RRP1B: variants seen among roughly 807,000 people sequenced by gnomAD.
The protein encoded by RRP1B is ribosomal RNA processing 1B, also known as ribosomal RNA processing protein 1 homolog B.
In RRP1B, 56 loss-of-function variants were observed where a neutral mutation model predicts 80.2. The ratio of observed to expected loss-of-function variants is 0.70; its 90% CI spans 0.56 to 0.87. The LOEUF (loss-of-function observed/expected upper bound fraction) is 0.87, where lower values mean the gene tolerates loss of function less well. Among genes scored for constraint, RRP1B ranks in the 40% least tolerant of loss-of-function variants. RRP1B has a pLI of 0.00. For missense variants in RRP1B, 807 were observed against 939.8 expected (o/e 0.86, Z 1.85); for synonymous variants, 351 against 357.6 (o/e 0.98, Z 0.21).
At chr21:43,688,799 T>C (rs554787422) in intron 13 of RRP1B, among the ~76,000 whole-genome samples, 3 of 152,338 alleles carry the variant, frequency 2.0e-5, no homozygotes, top group African/African-American at 7.2e-5. Context: ...GGAACCAAGC[T>C]GTTGATCTGG....
intron 6 of RRP1B, 24 bp from the exon 7 acceptor site, chr21:43,676,248 T>C (rs971051722): frequency 6.4e-7 from 1 of 1,560,630 alleles, no homozygotes; most frequent in African/African-American, 1.4e-5. Context: ...TCTTTCTCAA[T>C]TTTTCCCTTT....
In RRP1B at chr21:43,659,835, C is replaced by A; in HGVS notation, c.130+41C>A. ...CGGTCAGCCGCGCCACATGGCGGGC[C>A]GGGGGCCGGGGCTGGGGCTAGGGCC... is the stretch of plus-strand genomic sequence containing the variant. On this transcript the variant is annotated intron_variant, in intron 1 of 15. Coordinates refer to ENST00000340648, the MANE Select transcript of RRP1B (RefSeq NM_015056.3). This position sits in a 1 kb window ranked among gnomAD's most constrained non-coding sequence, Gnocchi z 4.2. The A allele has an allele frequency of 1.4e-6, 2 of 1,477,352 alleles. No homozygotes were observed. Among genetic ancestry groups the A allele is most frequent in the South Asian group, 1.3e-5 (1 of 76,654 alleles). The allele number at this position is 1,477,352 out of a possible 1,614,324, so 91.5% of individuals were successfully genotyped here.
chr21:43,687,563 C>A lies in RRP1B; in HGVS notation c.1189C>A (p.Gln397Lys), dbSNP rs770370957. ...VEEEDSESSL[Q>K]KRRRKKKKKH... ...GGAAGAGGACAGTGAAAGCAGTCTT[C>A]AAAAGAGAAGAAGGAAGAAGAAGAA... The change falls in exon 13 of 16, where the codon CAA (glutamine) becomes AAA (lysine). Residue 397 changes from glutamine (Q) to lysine (K), a missense_variant. Coordinates refer to ENST00000340648, the MANE Select transcript of RRP1B (RefSeq NM_015056.3). 6.7e-7 allele frequency: 1 copy of A among 1,503,474 alleles called. No homozygotes were observed. Among genetic ancestry groups the A allele is most frequent in the Non-Finnish European group, 8.8e-7 (1 of 1,134,472 alleles). The allele number at this position is 1,503,474 out of a possible 1,614,324, so 93.1% of individuals were successfully genotyped here. A position where few individuals can be genotyped will look rare whatever the true frequency, so the allele number is the denominator to read the frequency against.
At chr21:43,678,021 T>C (rs1286760765) in intron 8 of RRP1B, among the ~76,000 whole-genome samples, 5 of 152,232 alleles carry the variant, frequency 3.3e-5, no homozygotes, top group African/African-American at 1.2e-4. Flanking sequence ...GTAGATACCC[T>C]GCAGTGGAAC....
intron 11 of RRP1B, 100 bp downstream of exon 11, chr21:43,685,889 T>C: frequency 7.0e-7 from 1 of 1,427,858 alleles, no homozygotes; most frequent in Non-Finnish European, 9.5e-7. Context: ...TTGAAAGAAC[T>C]TTACTGAAAA....
At chr21:43,674,912 A>G in intron 5 of RRP1B, 122 bp from the exon 6 acceptor site, 1 of 1,339,018 alleles carries the variant, frequency 7.5e-7, no homozygotes, top group Non-Finnish European at 1.0e-6. Flanking sequence ...TTGTAAAATG[A>G]TTTCAGCCTT....
At chr21:43,671,644 C>G (rs2082999887) in intron 2 of RRP1B, among the ~76,000 whole-genome samples, 1 of 145,580 alleles carries the variant, frequency 6.9e-6, no homozygotes, top group South Asian at 2.2e-4. Context: ...CTCGGGCTCC[C>G]ATTACAGGCA....
At position 43,675,077 on chromosome 21, in the gene RRP1B, T is replaced by G. The variant is rs1443249076; in HGVS notation, c.463T>G (p.Cys155Gly). 6.2e-7 allele frequency: 1 copy of G among 1,614,144 alleles called. No individual in the cohort carries two copies. Among genetic ancestry groups the G allele is most frequent in the South Asian group, 1.1e-5 (1 of 91,078 alleles). The part of the protein sequence containing the change: ...FLDVLMKEVL[C>G]PESQSPNGVR... ...GGATGTCCTGATGAAGGAGGTCCTG[T>G]GTCCTGAGAGTCAGTCTCCTAATGG... The change falls in exon 6 of 16, where the codon TGT becomes GGT. Residue 155 changes from cysteine (C) to glycine (G), a missense_variant. Physicochemically the swap from Cys to Gly is radical, Grantham distance 159 (BLOSUM62 -3). Transcript: ENST00000340648.
At chr21:43,685,702 A>G (rs2083060151) in intron 10 of RRP1B, 68 bp from the exon 11 acceptor site, 1 of 1,188,432 alleles carries the variant, frequency 8.4e-7, no homozygotes, top group Non-Finnish European at 1.2e-6. Context: ...TCTACAGAAG[A>G]CAGAAGGGAT....
At chr21:43,692,099 G>A (rs1041660401) in intron 15 of RRP1B, among the ~76,000 whole-genome samples, 1 of 152,166 alleles carries the variant, frequency 6.6e-6, no homozygotes, top group Non-Finnish European at 1.5e-5. Context: ...CCAAAAAGCC[G>A]TTTTCCCAAG....
chr21:43,670,047 C>A, intron 2 of RRP1B, 81 bp downstream of exon 2: 2 of 973,940 alleles, frequency 2.1e-6, no homozygotes, highest in Non-Finnish European at 1.6e-6. Context: ...CTGTGCCAGT[C>A]CCCCGATACA....
At chr21:43,687,171 G>GGA (rs2083066548) in intron 12 of RRP1B, among the ~76,000 whole-genome samples, 1 of 152,218 alleles carries the variant, frequency 6.6e-6, no homozygotes, top group African/African-American at 2.4e-5. Flanking sequence ...ACCTCTGCAG[G>GGA]GAAGCAGGAG....
intron 11 of RRP1B, 161 bp from the exon 12 acceptor site, chr21:43,686,643 A>G (rs1478700246): frequency 2.6e-6 from 2 of 757,162 alleles, no homozygotes; most frequent in African/African-American, 3.5e-5. Flanking sequence ...AAGCTTTTTT[A>G]AGTCTGTAAT....
At position 43,659,624 on chromosome 21, in the gene RRP1B, G is replaced by T; in HGVS notation, c.-41G>T. 2 of 1,431,612 alleles carry T rather than the reference G, an allele frequency of 1.4e-6. No individual in the cohort carries two copies. The highest frequency in any genetic ancestry group is 2.9e-5 in the South Asian group (2 of 68,974). The allele number at this position is 1,431,612 out of a possible 1,614,324, so 88.7% of individuals were successfully genotyped here. On this transcript the variant is annotated 5_prime_UTR_variant, in exon 1 of 16. Coordinates refer to ENST00000340648, the MANE Select transcript of RRP1B (RefSeq NM_015056.3). The surrounding 1 kb of genome is among the most constrained non-coding windows in gnomAD (Gnocchi z 4.2). The stretch of plus-strand genomic sequence containing the variant: ...CCGCAGCGCTCGGCTGGCTGCAGCG[G>T]CACCGCGGGTTGCGCGGCCGGGGAT...
At position 43,676,747 on chromosome 21, in the gene RRP1B, A is replaced by G. The variant is rs1331645406; in HGVS notation, c.629A>G (p.Gln210Arg). 1.2e-6 allele frequency: 2 copies of G among 1,614,008 alleles called. No homozygotes were observed. The highest frequency in any genetic ancestry group is 2.7e-5 in the African/African-American group (2 of 74,952). ...TCTACCCTCAGCCACACCCTGGTACAGACCATAGCTCGGGGTGTCTTCGAA... is the reference window on the plus strand; with the variant it reads ...TCTACCCTCAGCCACACCCTGGTACGGACCATAGCTCGGGGTGTCTTCGAA... ...AAKTKDHTLVQTIARGVFEAI... is the reference protein window; with the variant it reads ...AAKTKDHTLVRTIARGVFEAI... Residue 210 changes from glutamine (Q) to arginine (R), a missense_variant, in exon 8 of 16, where the codon CAG becomes CGG. Gln to Arg is a conservative substitution (Grantham distance 43). Coordinates refer to ENST00000340648, the MANE Select transcript of RRP1B (RefSeq NM_015056.3).
Position 43,693,418 on chromosome 21 carries a change from G to A in RRP1B, c.*35G>A. On this transcript the variant is annotated 3_prime_UTR_variant, in exon 16 of 16. Transcript: ENST00000340648. This position sits in a 1 kb window ranked among gnomAD's most constrained non-coding sequence, Gnocchi z 4.1. ...GAGTCCCTTGTAAAAGACTGCTTTTGTACAGAATGCGCTATAAATTATACC... is the reference window on the plus strand; with the variant it reads ...GAGTCCCTTGTAAAAGACTGCTTTTATACAGAATGCGCTATAAATTATACC... The A allele has an allele frequency of 6.7e-7, 1 of 1,483,926 alleles. No individual in the cohort carries two copies. Among genetic ancestry groups the A allele is most frequent in the Non-Finnish European group, 9.0e-7 (1 of 1,111,144 alleles). The allele number at this position is 1,483,926 out of a possible 1,614,324, so 91.9% of individuals were successfully genotyped here. A position where few individuals can be genotyped will look rare whatever the true frequency, so the allele number is the denominator to read the frequency against.
chr21:43,686,126 A>G (rs1429785747), intron 11 of RRP1B: 5 of 201,410 alleles, frequency 2.5e-5, no homozygotes, highest in Admixed American at 5.5e-5. Context: ...AACTTTTAAG[A>G]AAGACAGACC....
intron 13 of RRP1B, among the ~76,000 whole-genome samples, chr21:43,689,066 C>G (rs562497067): frequency 6.6e-6 from 1 of 152,256 alleles, no homozygotes; most frequent in Non-Finnish European, 1.5e-5. Context: ...AGAGCCCCCG[C>G]GCCTGGCCCT....
chr21:43,690,263 C>T (rs376216164), intron 13 of RRP1B, 25 bp from the exon 14 acceptor site: 113 of 1,612,462 alleles, frequency 7.0e-5, no homozygotes, highest in East Asian at 8.9e-5. Flanking sequence ...ACCCCTCCTC[C>T]GCTTCTCACC....
Sources: gnomAD v4.1 joint callset for allele counts (sites outside exome capture counted in the v4.1 genomes callset) on GRCh38, gnomAD v4.1.1 for gene constraint, Gnocchi (gnomAD v3.1) non-coding constraint, MANE v1.5 for transcripts, NCBI Gene and HGNC (gene_info 2026-07-23, HGNC 2026-07-21) for gene names.